ITK: variants seen among roughly 807,000 people sequenced by gnomAD.
ITK encodes the protein tyrosine-protein kinase ITK/TSK.
Under a neutral mutation model 87.6 loss-of-function variants are expected in ITK, and 45 were observed. That is an observed-to-expected ratio of 0.51 (90% confidence interval 0.40 to 0.66). The LOEUF is 0.66. Ranked by LOEUF, ITK falls within the 30% of genes least tolerant of loss-of-function variation. The pLI, the probability that ITK is intolerant of heterozygous loss-of-function variation, is 0.00. For missense variants in ITK, 605 were observed against 766.3 expected (o/e 0.79, Z 2.48); for synonymous variants, 303 against 273.6 (o/e 1.11, Z -1.06).
intron 1 of ITK, among the ~76,000 whole-genome samples, chr5:157,201,193 T>C (rs930684041): frequency 1.3e-5 from 2 of 152,138 alleles, no homozygotes; most frequent in African/African-American, 4.8e-5. Flanking sequence ...AAAAAAATTT[T>C]GAGTCTTGCA....
intron 1 of ITK, among the ~76,000 whole-genome samples, chr5:157,193,205 A>G (rs1753786265): frequency 6.6e-6 from 1 of 152,188 alleles, no homozygotes; most frequent in Non-Finnish European, 1.5e-5. Flanking sequence ...TGGGCTACAG[A>G]GCGAGACCCT....
In ITK at chr5:157,201,014, G is replaced by T. The variant is rs541695420; in HGVS notation, c.139-7875G>T. Among the ~76,000 whole-genome samples the T allele has an allele frequency of 5.3e-5, 8 of 152,124 alleles. No homozygotes were observed. The South Asian group carries it at 1.7e-3, about 32-fold the overall frequency. On this transcript the variant is annotated intron_variant, in intron 1 of 16. Coordinates refer to ENST00000422843, the MANE Select transcript of ITK (RefSeq NM_005546.4). ...AATTTTTTTAATATACTACAACCAA[G>T]TAAGATTTTATTTTCACAAATGCAA...
Position 157,196,027 on chromosome 5 carries a change from A to G in ITK, c.139-12862A>G, listed in dbSNP as rs1040657482. ...AAACCTGGGGAAATTTTTGGTTGTT[A>G]TAAGTGGGGAGGAGGGTGCCACCAA... On this transcript the variant is annotated intron_variant, in intron 1 of 16. Coordinates refer to ENST00000422843, the MANE Select transcript of ITK (RefSeq NM_005546.4). 5 of 152,172 alleles carry G rather than the reference A, an allele frequency of 3.3e-5. No homozygotes were observed. The South Asian group carries it at 6.2e-4, about 19-fold the overall frequency. 9.4% of individuals were successfully genotyped at this position (152,172 alleles called of 1,614,324 possible).
At chr5:157,250,022 A>G (rs1398563303) in intron 16 of ITK, among the ~76,000 whole-genome samples, 1 of 152,158 alleles carries the variant, frequency 6.6e-6, no homozygotes, top group African/African-American at 2.4e-5. Context: ...GTTCACTAAC[A>G]TTTGGCATGA....
In ITK at chr5:157,244,433, G is replaced by A. The variant is rs761569994; in HGVS notation, c.1404G>A (p.Glu468=). The change falls in exon 13 of 17, where the codon GAG becomes GAA. Residue 468 remains glutamate (E), a synonymous_variant. Coordinates refer to ENST00000422843, the MANE Select transcript of ITK (RefSeq NM_005546.4). ...TLLGMCLDVC[E]GMAYLEEACV... The stretch of plus-strand genomic sequence containing the variant: ...TGGGCATGTGTCTGGATGTGTGTGA[G>A]GGCATGGCCTACCTGGAAGAGGCAT... The A allele has an allele frequency of 4.3e-6, 7 of 1,613,944 alleles. No homozygotes were observed. The highest frequency in any genetic ancestry group is 5.9e-6 in the Non-Finnish European group (7 of 1,179,800).
chr5:157,181,057 A>G lies in ITK; in HGVS notation c.80A>G (p.Lys27Arg). Residue 27 changes from lysine (K) to arginine (R), a missense_variant, in exon 1 of 17, where the codon AAA becomes AGA. Transcript: ENST00000422843. ...QKRRTSPSNF[K>R]VRFFVLTKAS... ...AGAAGAACTTCTCCCTCGAACTTTA[A>G]AGTCCGCTTCTTTGTGTTAACCAAA... 2 of 1,614,086 alleles carry G rather than the reference A, an allele frequency of 1.2e-6. No individual in the cohort carries two copies. Among genetic ancestry groups the G allele is most frequent in the Non-Finnish European group, 1.7e-6 (2 of 1,179,926 alleles).
chr5:157,183,991 G>T (rs34624140), intron 1 of ITK, among the ~76,000 whole-genome samples: 1 of 152,096 alleles, frequency 6.6e-6, no homozygotes, highest in Non-Finnish European at 1.5e-5. Context: ...TCTGGTGTTC[G>T]ATGCCTGTTT....
chr5:157,190,608 G>A (rs147577965), intron 1 of ITK, among the ~76,000 whole-genome samples: 1 of 152,216 alleles, frequency 6.6e-6, no homozygotes, highest in Non-Finnish European at 1.5e-5. Flanking sequence ...AGGGCAGATA[G>A]AGAATGTGGT....
chr5:157,229,633 G>A (rs533989285), intron 7 of ITK, among the ~76,000 whole-genome samples: 6 of 152,166 alleles, frequency 3.9e-5, no homozygotes, highest in East Asian at 1.9e-4. Flanking sequence ...GACTAAAGAG[G>A]TCGGGCGCAG....
chr5:157,223,060 C>G (rs369327438), intron 6 of ITK, 46 bp downstream of exon 6: 1 of 1,608,598 alleles, frequency 6.2e-7, no homozygotes, highest in Non-Finnish European at 8.5e-7. Context: ...AGGTGTGGTG[C>G]GAACAAATAA....
At chr5:157,222,044 G>A (rs765602615) in intron 5 of ITK, among the ~76,000 whole-genome samples, 4 of 151,928 alleles carry the variant, frequency 2.6e-5, no homozygotes, top group Non-Finnish European at 5.9e-5. Flanking sequence ...TCAAAATGAC[G>A]AGACTCTTTT....
chr5:157,230,444 G>T (rs1754627588), intron 7 of ITK, among the ~76,000 whole-genome samples: 1 of 152,146 alleles, frequency 6.6e-6, no homozygotes, highest in Non-Finnish European at 1.5e-5. Flanking sequence ...TTCAAATGTG[G>T]TCGTGTTATT....
At chr5:157,185,925 G>C (rs1753634041) in intron 1 of ITK, among the ~76,000 whole-genome samples, 1 of 152,112 alleles carries the variant, frequency 6.6e-6, no homozygotes, top group Admixed American at 6.6e-5. Context: ...ATTCTCATAA[G>C]ATAGTAACTA....
Position 157,254,552 on chromosome 5 carries a change from C to T in ITK, c.*1874C>T. 4.5e-6 allele frequency: 1 copy of T among 220,896 alleles called. No homozygotes were observed. Among genetic ancestry groups the T allele is most frequent in the East Asian group, 6.7e-5 (1 of 15,020 alleles). The allele number at this position is 220,896 out of a possible 1,614,324, so 13.7% of individuals were successfully genotyped here. ...CTTTCTAAATCATGTGACGTTTTGA[C>T]TGGCTTGAGATTCAGATGCATAATT... On this transcript the variant is annotated 3_prime_UTR_variant, in exon 17 of 17. Transcript: ENST00000422843.
chr5:157,236,348 C>G (rs2113769833), intron 8 of ITK, among the ~76,000 whole-genome samples: 1 of 151,148 alleles, frequency 6.6e-6, no homozygotes, highest in East Asian at 2.0e-4. Context: ...GCACTCCAGC[C>G]TGGGTGACAG....
rs1442950018 is a variant in ITK at position 157,232,353 on chromosome 5, A to T, written c.727A>T (p.Ser243Cys). Residue 243 changes from serine (S) to cysteine (C), a missense_variant, in exon 8 of 17, where the codon AGT becomes TGT. Ser to Cys is a moderately radical substitution (Grantham distance 112). Coordinates refer to ENST00000422843, the MANE Select transcript of ITK (RefSeq NM_005546.4). ...NLETYEWYNK[S>C]ISRDKAEKLL... ...CCTTGCTTTCAGGTGGTACAATAAGAGTATCAGCCGAGACAAAGCTGAAAA... is the reference window on the plus strand; with the variant it reads ...CCTTGCTTTCAGGTGGTACAATAAGTGTATCAGCCGAGACAAAGCTGAAAA... The T allele has an allele frequency of 8.7e-6, 14 of 1,610,548 alleles. No individual in the cohort carries two copies. Among genetic ancestry groups the T allele is most frequent in the Non-Finnish European group, 1.2e-5 (14 of 1,177,174 alleles).
chr5:157,221,214 C>A (rs1754406277), intron 5 of ITK, among the ~76,000 whole-genome samples: 1 of 151,894 alleles, frequency 6.6e-6, no homozygotes. Flanking sequence ...TTGGATTTGG[C>A]ATCTCGAATG....
chr5:157,221,067 T>C (rs1731528668), intron 5 of ITK, among the ~76,000 whole-genome samples: 1 of 152,116 alleles, frequency 6.6e-6, no homozygotes, highest in South Asian at 2.1e-4. Flanking sequence ...TCAACAAATG[T>C]TCTAACTGTA....
At chr5:157,182,441 A>G (rs1453528980) in intron 1 of ITK, among the ~76,000 whole-genome samples, 1 of 152,168 alleles carries the variant, frequency 6.6e-6, no homozygotes, top group African/African-American at 2.4e-5. Flanking sequence ...TACAGAAAAC[A>G]AAAAAGTTGC....
Sources: gnomAD v4.1 joint callset for allele counts (sites outside exome capture counted in the v4.1 genomes callset) on GRCh38, gnomAD v4.1.1 for gene constraint, MANE v1.5 for transcripts, NCBI Gene and HGNC (gene_info 2026-07-23, HGNC 2026-07-21) for gene names.